PDCD2L: variants seen among roughly 807,000 people sequenced by gnomAD.
PDCD2L encodes uS5 assembly chaperone PDCD2L.
In PDCD2L, 44 loss-of-function variants were observed where a neutral mutation model predicts 40.4. The ratio of observed to expected loss-of-function variants is 1.09; its 90% CI spans 0.86 to 1.40. The LOEUF (loss-of-function observed/expected upper bound fraction) is 1.40, where lower values mean the gene tolerates loss of function less well. PDCD2L is among the 40% of genes most tolerant of loss of function. The pLI is 0.00. For synonymous variants in PDCD2L, 194 were observed against 174.6 expected (o/e 1.11, Z -0.88); for missense variants, 470 against 453.7 (o/e 1.04, Z -0.33).
Position 34,404,447 on chromosome 19 carries a change from A to G in PDCD2L, c.17A>G (p.Lys6Arg). 3 of 1,544,510 alleles carry G rather than the reference A, an allele frequency of 1.9e-6. No individual in the cohort carries two copies. Among genetic ancestry groups the G allele is most frequent in the Non-Finnish European group, 2.6e-6 (3 of 1,145,600 alleles). Residue 6 changes from lysine to arginine, a missense_variant, in exon 1 of 7, where the codon AAG (lysine) becomes AGG (arginine). By Grantham distance (26) the Lys-to-Arg change is conservative (BLOSUM62 2). Transcript: ENST00000246535. MAAVL[K>R]PVLLGLRDAP... is the part of the protein sequence containing the mutation. ...CCGGCGGCCATGGCGGCCGTTCTGA[A>G]GCCGGTGCTGCTGGGCCTTCGAGAT...
In PDCD2L at chr19:34,411,985, A is replaced by ATATAT. The variant is rs1568358917; in HGVS notation, c.687-1752_687-1751insTATAT. ...ATACATATATATATATATATATATAAAATAAATAATAAAATATATATATTA... is the reference window on the plus strand; with the variant it reads ...ATACATATATATATATATATATATAATATATAATAAATAATAAAATATATATATTA... On this transcript the variant is annotated intron_variant, in intron 4 of 6. Coordinates refer to ENST00000246535, the MANE Select transcript of PDCD2L (RefSeq NM_032346.2). Among the ~76,000 whole-genome samples, 28 of 98,250 alleles carry ATATAT rather than the reference A, an allele frequency of 2.8e-4. No individual in the cohort carries two copies. In the East Asian group the frequency reaches 7.0e-3, roughly 25 times the overall value. 64.5% of individuals were successfully genotyped at this position (98,250 alleles called of 152,430 possible).
In PDCD2L at chr19:34,404,637, C is replaced by T; in HGVS notation, c.109-12C>T. ...GGGAGTCGGGGTCTGAGCGCCTCCT[C>T]TGTCCCCTCAGGATGCTCTGCCCAC... On this transcript the variant is annotated splice_polypyrimidine_tract_variant and intron_variant, in intron 1 of 6. Transcript: ENST00000246535. 2.5e-6 allele frequency: 4 copies of T among 1,608,788 alleles called. No homozygotes were observed. Among genetic ancestry groups the T allele is most frequent in the Admixed American group, 1.7e-5 (1 of 59,924 alleles).
chr19:34,411,208 C>T (rs2075101515), intron 4 of PDCD2L, among the ~76,000 whole-genome samples: 1 of 141,668 alleles, frequency 7.1e-6, no homozygotes, highest in African/African-American at 2.6e-5. Flanking sequence ...CTTTGTTTCC[C>T]AGGCTGAACT....
chr19:34,416,499 A>AG (rs1455739309), intron 5 of PDCD2L, among the ~76,000 whole-genome samples: 7 of 152,316 alleles, frequency 4.6e-5, no homozygotes, highest in African/African-American at 1.7e-4. Flanking sequence ...GAAAAAGCAA[A>AG]GCCCAGGTAT....
At chr19:34,413,681 A>C (rs1461213508) in intron 4 of PDCD2L, 56 bp from the exon 5 acceptor site, 4 of 1,066,616 alleles carry the variant, frequency 3.8e-6, no homozygotes, top group Non-Finnish European at 5.6e-6. Context: ...TGTCTTGCAA[A>C]TGCTGTAATT....
chr19:34,411,347 C>T (rs766694059), intron 4 of PDCD2L, among the ~76,000 whole-genome samples: 2 of 150,490 alleles, frequency 1.3e-5, no homozygotes, highest in Non-Finnish European at 3.0e-5. Flanking sequence ...TTAAGCAGCT[C>T]TCATGTCTCA....
chr19:34,414,177 A>G, intron 5 of PDCD2L, among the ~76,000 whole-genome samples: 1 of 151,480 alleles, frequency 6.6e-6, no homozygotes, highest in South Asian at 2.1e-4. Context: ...ATTATTATTT[A>G]ATTTTTTTTT....
Position 34,413,829 on chromosome 19 carries a change from G to C in PDCD2L, c.779G>C (p.Cys260Ser), listed in dbSNP as rs765844064. 1 of 1,594,740 alleles carries C rather than the reference G, an allele frequency of 6.3e-7. No homozygotes were observed. The highest frequency in any genetic ancestry group is 1.1e-5 in the South Asian group (1 of 89,460). The change falls in exon 5 of 7, where the codon TGT becomes TCT. Residue 260 changes from cysteine (C) to serine (S), a missense_variant. By Grantham distance (112) the Cys-to-Ser change is moderately radical (BLOSUM62 -1). Coordinates refer to ENST00000246535, the MANE Select transcript of PDCD2L (RefSeq NM_032346.2). ...FYKFMKRIAA[C>S]QEQILRYSWS... ...AAATTCATGAAGCGAATTGCTGCTTGTCAGGAGCAGATTTTGAGGTAAAAA... is the reference window on the plus strand; with the variant it reads ...AAATTCATGAAGCGAATTGCTGCTTCTCAGGAGCAGATTTTGAGGTAAAAA...
intron 5 of PDCD2L, among the ~76,000 whole-genome samples, chr19:34,414,848 C>T (rs1012697825): frequency 3.3e-5 from 5 of 151,892 alleles, no homozygotes; most frequent in African/African-American, 1.2e-4. Flanking sequence ...GTCTGTTGTC[C>T]ACCCTGGAGT....
chr19:34,405,092 C>T (rs1178643923), intron 3 of PDCD2L, 102 bp downstream of exon 3: 11 of 1,190,756 alleles, frequency 9.2e-6, no homozygotes, highest in Non-Finnish European at 1.1e-5. Flanking sequence ...TTGAAGTACA[C>T]TGGAGTGTTT....
chr19:34,425,963 G>A (rs1012130564), intron 6 of PDCD2L, 27 bp from the exon 7 acceptor site: 1 of 1,597,212 alleles, frequency 6.3e-7, no homozygotes, highest in Non-Finnish European at 8.5e-7. Flanking sequence ...CTTTTTGCTG[G>A]AAGCCTGAAT....
intron 5 of PDCD2L, among the ~76,000 whole-genome samples, chr19:34,415,049 C>T (rs181998076): frequency 7.2e-5 from 11 of 152,302 alleles, no homozygotes; most frequent in South Asian, 4.1e-4. Context: ...CCTCCTGCCA[C>T]GGCCTTCCAA....
chr19:34,415,276 A>G lies in PDCD2L; in HGVS notation c.797+1429A>G, dbSNP rs545804599. On this transcript the variant is annotated intron_variant, in intron 5 of 6. Coordinates refer to ENST00000246535, the MANE Select transcript of PDCD2L (RefSeq NM_032346.2). ...TAGGATTACAGCGCCACCACGCCTG[A>G]CTACTTTTTGTATTTTTAGTGGAGA... Among the ~76,000 whole-genome samples the G allele has an allele frequency of 6.0e-4, 91 of 152,008 alleles. 1 individual carries two copies. Among genetic ancestry groups the G allele is most frequent in the African/African-American group, 2.2e-3 (91 of 41,468 alleles).
At chr19:34,423,491 CTTTTTTTTTT>C (rs547306985) in intron 6 of PDCD2L, among the ~76,000 whole-genome samples, 2 of 113,086 alleles carry the variant, frequency 1.8e-5, no homozygotes, top group Non-Finnish European at 3.7e-5. Context: ...GACCCAGTAT[CTTTTTTTTTT>C]TTTTTTTTTT....
chr19:34,404,756 C>T lies in PDCD2L; in HGVS notation c.216C>T (p.His72=). The T allele has an allele frequency of 6.2e-7, 1 of 1,611,310 alleles. No homozygotes were observed. The highest frequency in any genetic ancestry group is 1.1e-5 in the South Asian group (1 of 90,888). The change falls in exon 2 of 7, where the codon CAC becomes CAT. Residue 72 remains histidine (H), a synonymous_variant. Coordinates refer to ENST00000246535, the MANE Select transcript of PDCD2L (RefSeq NM_032346.2). ...GCCCGCTGGAAGGCTCCCCGTTTCA[C>T]CGTCTGCTGCACGTGTTCGCGTGCG... is the stretch of plus-strand genomic sequence containing the variant. The part of the protein sequence containing the change: ...VYCPLEGSPF[H]RLLHVFACAC...
intron 6 of PDCD2L, among the ~76,000 whole-genome samples, chr19:34,424,091 G>A (rs935953914): frequency 6.6e-6 from 1 of 151,752 alleles, no homozygotes; most frequent in South Asian, 2.1e-4. Context: ...TGAAAGCCCT[G>A]CCAGCCCTTT....
intron 6 of PDCD2L, chr19:34,421,929 A>C (rs1599875988): frequency 8.8e-6 from 2 of 226,816 alleles, no homozygotes; most frequent in East Asian, 2.2e-4. Flanking sequence ...CTCTACTATA[A>C]TATAAAAAAT....
intron 4 of PDCD2L, among the ~76,000 whole-genome samples, 187 bp downstream of exon 4, chr19:34,409,697 C>T (rs539917611): frequency 2.6e-5 from 4 of 152,184 alleles, no homozygotes; most frequent in African/African-American, 4.8e-5. Context: ...TTATAATTGC[C>T]GTTAAGAAAG....
intron 3 of PDCD2L, among the ~76,000 whole-genome samples, chr19:34,408,587 C>T (rs1037563621): frequency 3.3e-5 from 5 of 152,224 alleles, no homozygotes; most frequent in Non-Finnish European, 7.3e-5. Flanking sequence ...CAGAATCACA[C>T]CTCAGAACTG....
Sources: allele counts gnomAD v4.1 joint callset (sites outside exome capture counted in the v4.1 genomes callset), GRCh38; gene constraint gnomAD v4.1.1; transcripts MANE v1.5; gene names NCBI Gene and HGNC (gene_info 2026-07-23, HGNC 2026-07-21).